UTRN: variants seen among roughly 807,000 people sequenced by gnomAD.
UTRN encodes dystrophin-related protein 1.
Under a neutral mutation model 463.9 loss-of-function variants are expected in UTRN, and 283 were observed. That is an observed-to-expected ratio of 0.61 (90% CI 0.55 to 0.67). The LOEUF (loss-of-function observed/expected upper bound fraction) is 0.67, where lower values mean the gene tolerates loss of function less well. Ranked by LOEUF, UTRN falls within the 30% of genes least tolerant of loss-of-function variation. The pLI is 0.00. For missense variants in UTRN, 3,922 were observed against 4,084.3 expected, an observed-to-expected ratio of 0.96 and a Z score of 1.08; for synonymous variants, 1,442 against 1,431.5, an observed-to-expected ratio of 1.01 and a Z score of -0.17.
Position 144,706,580 on chromosome 6 carries a change from T to C in UTRN, c.7809+6337T>C, listed in dbSNP as rs545967062. The stretch of plus-strand genomic sequence containing the variant: ...TGAGACAGCATCTTTCATTTAGTCC[T>C]AAACTTGATTACGTATTCTCATTAT... On this transcript the variant is annotated intron_variant, in intron 53 of 74. Coordinates refer to ENST00000367545, the MANE Select transcript of UTRN (RefSeq NM_007124.3). Among the ~76,000 whole-genome samples the C allele has an allele frequency of 5.3e-5, 8 of 152,340 alleles. No homozygotes were observed. In the South Asian group the frequency reaches 1.7e-3, roughly 32 times the overall value.
At chr6:144,342,727 G>T (rs1035319796) in intron 2 of UTRN, among the ~76,000 whole-genome samples, 1 of 152,144 alleles carries the variant, frequency 6.6e-6, no homozygotes, top group African/African-American at 2.4e-5. Context: ...AGGGATGGGG[G>T]TCGATTGTGG....
chr6:144,805,470 T>C (rs1323482886), intron 65 of UTRN, among the ~76,000 whole-genome samples: 3 of 152,192 alleles, frequency 2.0e-5, no homozygotes, highest in African/African-American at 7.2e-5. Flanking sequence ...TGTAAAGAAC[T>C]AGTAGAAGCA....
chr6:144,368,721 C>T (rs1015291305), intron 2 of UTRN, among the ~76,000 whole-genome samples: 3 of 151,936 alleles, frequency 2.0e-5, no homozygotes, highest in African/African-American at 7.3e-5. Flanking sequence ...TTGCAGTGAG[C>T]CCAAATCATG....
intron 2 of UTRN, among the ~76,000 whole-genome samples, chr6:144,398,978 C>A (rs555777124): frequency 3.3e-5 from 5 of 152,262 alleles, no homozygotes; most frequent in Non-Finnish European, 5.9e-5. Context: ...ACAAAAATAT[C>A]ATTTGAAATG....
chr6:144,562,810 A>G (rs1334043903), intron 50 of UTRN, among the ~76,000 whole-genome samples: 2 of 152,184 alleles, frequency 1.3e-5, no homozygotes, highest in African/African-American at 2.4e-5. Flanking sequence ...ATTAATTTAC[A>G]TTCTCACCAA....
chr6:144,486,082 C>A (rs1018651386), intron 28 of UTRN, among the ~76,000 whole-genome samples: 2 of 152,078 alleles, frequency 1.3e-5, no homozygotes, highest in Non-Finnish European at 2.9e-5. Context: ...ACTTAATAAC[C>A]GTTTCTTAAA....
At chr6:144,637,648 A>T (rs1777322484) in intron 51 of UTRN, among the ~76,000 whole-genome samples, 1 of 152,016 alleles carries the variant, frequency 6.6e-6, no homozygotes, top group Admixed American at 6.5e-5. Context: ...GTTTAAAAAA[A>T]AAAAAAGAAA....
chr6:144,512,702 G>A (rs540546436), intron 35 of UTRN, among the ~76,000 whole-genome samples: 11 of 151,560 alleles, frequency 7.3e-5, no homozygotes, highest in South Asian at 6.3e-4. Flanking sequence ...CACCACACCC[G>A]GCTAATTTTT....
chr6:144,548,622 C>T lies in UTRN; in HGVS notation c.6596-18C>T. ...ATCCTGTTGATTAATTTCTCTTTTG[C>T]TACATTTTTCATTTCAGCTCATCCT... On this transcript the variant is annotated intron_variant, in intron 46 of 74. Coordinates refer to ENST00000367545, the MANE Select transcript of UTRN (RefSeq NM_007124.3). 1 of 1,605,562 alleles carries T rather than the reference C, an allele frequency of 6.2e-7. No individual in the cohort carries two copies.
intron 66 of UTRN, among the ~76,000 whole-genome samples, chr6:144,824,131 T>A (rs74887047): frequency 0.11 from 17,076 of 151,954 alleles, 1,120 homozygotes; most frequent in South Asian, 0.18. Context: ...TGGAAAACTA[T>A]CAACAATGGC....
intron 51 of UTRN, among the ~76,000 whole-genome samples, chr6:144,622,216 T>G (rs1398126529): frequency 8.8e-6 from 1 of 113,690 alleles, no homozygotes; most frequent in Admixed American, 1.2e-4. Flanking sequence ...GGAGACGGAG[T>G]CTTGCTGTGT....
intron 52 of UTRN, among the ~76,000 whole-genome samples, chr6:144,684,443 CT>C (rs1186033659): frequency 1.3e-5 from 2 of 152,124 alleles, no homozygotes; most frequent in Non-Finnish European, 2.9e-5. Context: ...TTCCAAGTTT[CT>C]TTTTACTTTA....
intron 59 of UTRN, among the ~76,000 whole-genome samples, chr6:144,772,972 TGTGA>T (rs1794252448): frequency 6.6e-6 from 1 of 151,468 alleles, no homozygotes; most frequent in Admixed American, 6.6e-5. Flanking sequence ...TGGGCTTCTG[TGTGA>T]GTGTTTTTTT....
At chr6:144,669,655 A>T (rs1290764749) in intron 51 of UTRN, among the ~76,000 whole-genome samples, 5 of 152,002 alleles carry the variant, frequency 3.3e-5, no homozygotes, top group African/African-American at 1.2e-4. Context: ...TTCTTTAGTG[A>T]TGATTTCTGA....
At chr6:144,419,753 T>C (rs1207201092) in intron 3 of UTRN, among the ~76,000 whole-genome samples, 2 of 152,248 alleles carry the variant, frequency 1.3e-5, no homozygotes, top group Non-Finnish European at 2.9e-5. Flanking sequence ...ACTCCCTGGC[T>C]TGCAGTGGTC....
intron 19 of UTRN, among the ~76,000 whole-genome samples, chr6:144,454,656 G>GA (rs1455160001): frequency 6.6e-6 from 1 of 152,070 alleles, no homozygotes; most frequent in Non-Finnish European, 1.5e-5. Context: ...TTTTGTTATG[G>GA]AAAATATAAC....
chr6:144,740,889 A>T (rs969800564), intron 54 of UTRN, among the ~76,000 whole-genome samples: 21 of 152,216 alleles, frequency 1.4e-4, no homozygotes, highest in African/African-American at 4.8e-4. Context: ...TATGTTCTCT[A>T]ATCAGTGTTA....
At position 144,409,097 on chromosome 6, in the gene UTRN, A is replaced by G. The variant is rs1783662287; in HGVS notation, c.141+5913A>G. ...TCTATTCACTAATACCTCTAAAAAG[A>G]AAACAATAAAATGTACTCCATATTC... On this transcript the variant is annotated intron_variant, in intron 3 of 74. Coordinates refer to ENST00000367545, the MANE Select transcript of UTRN (RefSeq NM_007124.3). Among the ~76,000 whole-genome samples the G allele has an allele frequency of 2.6e-5, 4 of 152,222 alleles. No individual in the cohort carries two copies. In the South Asian group the frequency reaches 8.3e-4, roughly 32 times the overall value.
intron 2 of UTRN, among the ~76,000 whole-genome samples, chr6:144,382,856 G>A (rs1194046762): frequency 6.6e-6 from 1 of 152,168 alleles, no homozygotes; most frequent in African/African-American, 2.4e-5. Context: ...CTTAGTGCAT[G>A]CATCTCCCTA....
Sources: gnomAD v4.1 joint callset for allele counts (sites outside exome capture counted in the v4.1 genomes callset) on GRCh38, gnomAD v4.1.1 for gene constraint, MANE v1.5 for transcripts, NCBI Gene and HGNC (gene_info 2026-07-23, HGNC 2026-07-21) for gene names.